Variants in BMP6 observed in about 807,000 individuals in gnomAD.
The protein encoded by BMP6 is VG-1-R.
Under a neutral mutation model 54.1 loss-of-function variants are expected in BMP6, and 17 were observed. That is an observed-to-expected ratio of 0.31 (90% CI 0.22 to 0.47). BMP6 has a LOEUF of 0.47. Among genes scored for constraint, BMP6 ranks in the 20% least tolerant of loss-of-function variants. The pLI, the probability that BMP6 is intolerant of heterozygous loss-of-function variation, is 1.00. For missense variants in BMP6, 720 were observed against 690.4 expected (o/e 1.04, Z -0.48); for synonymous variants, 328 against 291.2 (o/e 1.13, Z -1.28).
At chr6:7,744,780 C>T (rs571840817) in intron 1 of BMP6, among the ~76,000 whole-genome samples, 2 of 152,260 alleles carry the variant, frequency 1.3e-5, no homozygotes, top group African/African-American at 4.8e-5. Flanking sequence ...TTCTGAGGTT[C>T]CCTTCCTTTC....
At chr6:7,785,661 G>C (rs1405936770) in intron 1 of BMP6, among the ~76,000 whole-genome samples, 3 of 152,194 alleles carry the variant, frequency 2.0e-5, no homozygotes, top group African/African-American at 7.2e-5. Context: ...GAGCAGCTTA[G>C]TATTTTGTTG....
intron 1 of BMP6, among the ~76,000 whole-genome samples, chr6:7,799,276 T>A (rs1758235626): frequency 6.6e-6 from 1 of 152,200 alleles, no homozygotes; most frequent in South Asian, 2.1e-4. Context: ...GGTTTATTTA[T>A]GTTGTGGATT....
At chr6:7,760,094 T>G (rs1164984108) in intron 1 of BMP6, among the ~76,000 whole-genome samples, 1 of 148,220 alleles carries the variant, frequency 6.7e-6, no homozygotes. Flanking sequence ...AGATACAAGA[T>G]CTCGCTCTGT....
At chr6:7,786,690 G>A (rs1758025246) in intron 1 of BMP6, among the ~76,000 whole-genome samples, 1 of 152,068 alleles carries the variant, frequency 6.6e-6, no homozygotes. Flanking sequence ...ACAGCCCCCA[G>A]TGACAAGCCC....
At chr6:7,813,642 CAAA>C (rs70982109) in intron 1 of BMP6, among the ~76,000 whole-genome samples, 1 of 4,990 alleles carries the variant, frequency 2.0e-4, no homozygotes, top group Non-Finnish European at 3.5e-4. Context: ...GACCCTGTCT[CAAA>C]AAAAAAAAAA....
intron 2 of BMP6, among the ~76,000 whole-genome samples, chr6:7,858,146 G>A (rs986373199): frequency 6.6e-6 from 1 of 152,106 alleles, no homozygotes; most frequent in South Asian, 2.1e-4. Flanking sequence ...GCAGAGGTGC[G>A]ATCATGGCTC....
chr6:7,857,984 CACT>C (rs1429929925), intron 2 of BMP6, among the ~76,000 whole-genome samples: 1 of 152,152 alleles, frequency 6.6e-6, no homozygotes, highest in Admixed American at 6.5e-5. Flanking sequence ...GGGGCTCCAC[CACT>C]ATGCCACCAT....
chr6:7,843,293 A>G (rs1318743521), intron 1 of BMP6, among the ~76,000 whole-genome samples: 1 of 151,976 alleles, frequency 6.6e-6, no homozygotes, highest in Admixed American at 6.5e-5. Flanking sequence ...ACTCGAATCT[A>G]AAAAATGTGT....
intron 3 of BMP6, 66 bp downstream of exon 3, chr6:7,861,665 C>T: frequency 6.3e-7 from 1 of 1,589,440 alleles, no homozygotes; most frequent in Non-Finnish European, 8.6e-7. Context: ...TCCCTTACAG[C>T]AGTTGTGATA....
At chr6:7,856,684 C>T (rs1414189609) in intron 2 of BMP6, among the ~76,000 whole-genome samples, 4 of 139,104 alleles carry the variant, frequency 2.9e-5, no homozygotes, top group Middle Eastern at 3.7e-3. Context: ...GCAAGCTCCG[C>T]CTCCCGGGTT....
At chr6:7,795,175 G>A (rs1452038100) in intron 1 of BMP6, among the ~76,000 whole-genome samples, 4 of 152,184 alleles carry the variant, frequency 2.6e-5, no homozygotes, top group Middle Eastern at 3.2e-3. Flanking sequence ...TAGTCCCCAT[G>A]TCTGTAACCT....
At position 7,747,739 on chromosome 6, in the gene BMP6, C is replaced by T. The variant is rs115180504; in HGVS notation, c.664+20120C>T. Among the ~76,000 whole-genome samples, 1,445 of 152,236 alleles carry T rather than the reference C, an allele frequency of 9.5e-3. 8 individuals carry two copies. Among genetic ancestry groups the T allele is most frequent in the Middle Eastern group, 0.051 (15 of 294 alleles). On this transcript the variant is annotated intron_variant, in intron 1 of 6. Coordinates refer to ENST00000283147, the MANE Select transcript of BMP6 (RefSeq NM_001718.6). ...ATGGCTCACTGTAGCCTCAACATCCCGGGCTCAAGCGATCCTCTCGCCTCA... is the reference window on the plus strand; with the variant it reads ...ATGGCTCACTGTAGCCTCAACATCCTGGGCTCAAGCGATCCTCTCGCCTCA...
In BMP6 at chr6:7,726,874, A is replaced by G. The variant is rs1761734292; in HGVS notation, c.-82A>G. The stretch of plus-strand genomic sequence containing the variant: ...GAGGTGGCGGGGACTGCTCACGCCA[A>G]GGGCCACAGCGGCCGCGCTCCGGCC... On this transcript the variant is annotated 5_prime_UTR_variant, in exon 1 of 7. Transcript: ENST00000283147. 1 of 910,128 alleles carries G rather than the reference A, an allele frequency of 1.1e-6. No homozygotes were observed. Among genetic ancestry groups the G allele is most frequent in the Non-Finnish European group, 1.3e-6 (1 of 745,106 alleles). The allele number at this position is 910,128 out of a possible 1,614,324, so 56.4% of individuals were successfully genotyped here.
intron 1 of BMP6, among the ~76,000 whole-genome samples, chr6:7,789,468 A>G (rs926379601): frequency 6.6e-6 from 1 of 152,244 alleles, no homozygotes; most frequent in Non-Finnish European, 1.5e-5. Flanking sequence ...TCATAGAATT[A>G]TAAAAGGTAT....
At chr6:7,801,997 G>A (rs914013517) in intron 1 of BMP6, among the ~76,000 whole-genome samples, 1 of 152,180 alleles carries the variant, frequency 6.6e-6, no homozygotes, top group Non-Finnish European at 1.5e-5. Flanking sequence ...GAGATGTGGA[G>A]TGCCCCCAGC....
chr6:7,753,783 A>C (rs1227120830), intron 1 of BMP6, among the ~76,000 whole-genome samples: 1 of 152,198 alleles, frequency 6.6e-6, no homozygotes, highest in Non-Finnish European at 1.5e-5. Context: ...TTTTTTTGAT[A>C]TGTTGTGCTT....
In BMP6 at chr6:7,875,914, G is replaced by T. The variant is rs1561799210; in HGVS notation, c.1205-3160G>T. 3.9e-5 allele frequency among the ~76,000 whole-genome samples: 6 copies of T among 152,286 alleles called. No homozygotes were observed. The South Asian group carries it at 1.2e-3, about 32-fold the overall frequency. On this transcript the variant is annotated intron_variant, in intron 4 of 6. Coordinates refer to ENST00000283147, the MANE Select transcript of BMP6 (RefSeq NM_001718.6). Reference sequence around the variant, plus strand: ...AATGTGGTCATCACCCTAGACACTGGCTGCCGTACTACCCATTCTTGATGT... The same window carrying T: ...AATGTGGTCATCACCCTAGACACTGTCTGCCGTACTACCCATTCTTGATGT...
chr6:7,826,861 C>T (rs1245197532), intron 1 of BMP6, among the ~76,000 whole-genome samples: 1 of 152,194 alleles, frequency 6.6e-6, no homozygotes, highest in East Asian at 1.9e-4. Flanking sequence ...ATATATGCTT[C>T]CTGTCTTTTG....
At chr6:7,738,651 A>G (rs1291344964) in intron 1 of BMP6, among the ~76,000 whole-genome samples, 1 of 152,250 alleles carries the variant, frequency 6.6e-6, no homozygotes, top group Non-Finnish European at 1.5e-5. Flanking sequence ...ACAGTTGAGA[A>G]ACCCCAGGCT....
Sources: gnomAD v4.1 joint callset for allele counts (sites outside exome capture counted in the v4.1 genomes callset) on GRCh38, gnomAD v4.1.1 for gene constraint, MANE v1.5 for transcripts, NCBI Gene and HGNC (gene_info 2026-07-23, HGNC 2026-07-21) for gene names.